The following DENND2B variants were observed in gnomAD, a reference collection of about 807,000 sequenced individuals.
The protein encoded by DENND2B is DENN domain-containing protein 2B.
DENND2B carries 32 observed loss-of-function variants against 116.0 expected under a neutral mutation model. That is an observed-to-expected ratio of 0.28 (90% CI 0.21 to 0.37). DENND2B has a LOEUF of 0.37. DENND2B is among the 10% of genes least tolerant of loss of function. The pLI, the probability that DENND2B is intolerant of heterozygous loss-of-function variation, is 1.00. For synonymous variants in DENND2B, 588 were observed against 583.9 expected, an observed-to-expected ratio of 1.01 and a Z score of -0.10; for missense variants, 1,276 against 1,477.7, an observed-to-expected ratio of 0.86 and a Z score of 2.24.
intron 2 of DENND2B, among the ~76,000 whole-genome samples, chr11:8,750,206 A>T (rs1273937205): frequency 6.6e-6 from 1 of 152,196 alleles, no homozygotes; most frequent in Non-Finnish European, 1.5e-5. Flanking sequence ...CTAAACTCCT[A>T]TAAAGCCTAG....
chr11:8,815,774 G>A (rs1268763059), intron 4 of DENND2B, among the ~76,000 whole-genome samples: 2 of 152,158 alleles, frequency 1.3e-5, no homozygotes, highest in Non-Finnish European at 2.9e-5. Flanking sequence ...ACAGACCTGA[G>A]CTCCTCGAGG....
intron 2 of DENND2B, among the ~76,000 whole-genome samples, chr11:8,867,910 G>A (rs1368938288): frequency 6.6e-6 from 1 of 152,012 alleles, no homozygotes; most frequent in Non-Finnish European, 1.5e-5. Context: ...AGAAATAAGA[G>A]AATATGAGAG....
chr11:8,829,026 C>CGT (rs991469537), intron 4 of DENND2B, among the ~76,000 whole-genome samples: 1 of 133,008 alleles, frequency 7.5e-6, no homozygotes, highest in Admixed American at 7.5e-5. Context: ...GTGTGTTGTG[C>CGT]GTGTGTGTGT....
chr11:8,877,922 TTAA>T (rs1367812884), intron 2 of DENND2B, among the ~76,000 whole-genome samples: 4 of 152,148 alleles, frequency 2.6e-5, no homozygotes, highest in African/African-American at 9.7e-5. Flanking sequence ...GATAAAGGCA[TTAA>T]TAAACAACTA....
chr11:8,863,864 TC>T (rs2063490240), intron 2 of DENND2B, among the ~76,000 whole-genome samples: 2 of 152,050 alleles, frequency 1.3e-5, no homozygotes, highest in Admixed American at 1.3e-4. Flanking sequence ...GAATTTCCAT[TC>T]CCCTGGGACT....
At chr11:8,785,805 C>T (rs2058848352) in intron 1 of DENND2B, 1 of 152,196 alleles carries the variant, frequency 6.6e-6, no homozygotes, top group South Asian at 2.1e-4. Flanking sequence ...AAAGAATTAA[C>T]TGTTAGGTCA....
chr11:8,863,831 A>G (rs1474237762), intron 2 of DENND2B, among the ~76,000 whole-genome samples: 1 of 152,058 alleles, frequency 6.6e-6, no homozygotes, highest in African/African-American at 2.4e-5. Flanking sequence ...TTCCCCTCCC[A>G]TACAATTATA....
chr11:8,850,875 T>C (rs2062981411), intron 3 of DENND2B, among the ~76,000 whole-genome samples: 1 of 152,180 alleles, frequency 6.6e-6, no homozygotes, highest in Admixed American at 6.5e-5. Flanking sequence ...TGTCACTTCC[T>C]ACAACATGGA....
upstream of DENND2B, among the ~76,000 whole-genome samples, chr11:8,815,564 T>C (rs565182524): frequency 3.3e-5 from 5 of 152,316 alleles, no homozygotes; most frequent in Non-Finnish European, 7.3e-5. Flanking sequence ...GTTACCTTTA[T>C]CTGAATGCCT....
chr11:8,698,185 G>T (rs933183372), intron 16 of DENND2B, among the ~76,000 whole-genome samples: 1 of 146,920 alleles, frequency 6.8e-6, no homozygotes, highest in Non-Finnish European at 1.5e-5. Context: ...AGCCAGTGTG[G>T]CATTCACTGG....
At chr11:8,822,632 G>T (rs557651301) in intron 4 of DENND2B, among the ~76,000 whole-genome samples, 8 of 152,286 alleles carry the variant, frequency 5.3e-5, no homozygotes, top group South Asian at 4.1e-4. Context: ...AGAATCTAAC[G>T]TGGACTGTAC....
intron 1 of DENND2B, among the ~76,000 whole-genome samples, chr11:8,806,416 CT>C (rs2060840617): frequency 6.6e-6 from 1 of 152,060 alleles, no homozygotes; most frequent in African/African-American, 2.4e-5. Context: ...ATAATTCACT[CT>C]TTTATAAGGA....
chr11:8,849,728 CAGG>C (rs1377911619), intron 3 of DENND2B, among the ~76,000 whole-genome samples: 2 of 145,770 alleles, frequency 1.4e-5, no homozygotes, highest in African/African-American at 5.1e-5. Flanking sequence ...GCGGCTGAGG[CAGG>C]AGAATTGCTT....
At chr11:8,766,049 T>G (rs2055702194) in intron 1 of DENND2B, among the ~76,000 whole-genome samples, 1 of 151,980 alleles carries the variant, frequency 6.6e-6, no homozygotes, top group African/African-American at 2.4e-5. Context: ...AAAAACCTAC[T>G]TATAAAAGAA....
At chr11:8,822,697 C>T (rs1340858787) in intron 4 of DENND2B, among the ~76,000 whole-genome samples, 2 of 152,200 alleles carry the variant, frequency 1.3e-5, no homozygotes, top group Non-Finnish European at 1.5e-5. Flanking sequence ...GGGCTAGTTT[C>T]GGCATTCCAT....
At chr11:8,697,332 T>C (rs1235331248) in intron 17 of DENND2B, among the ~76,000 whole-genome samples, 193 bp downstream of exon 17, 1 of 152,262 alleles carries the variant, frequency 6.6e-6, no homozygotes, top group African/African-American at 2.4e-5. Flanking sequence ...GAAAGTATCT[T>C]TGGGGTTGCC....
chr11:8,896,637 T>C (rs146688974), intron 1 of DENND2B, among the ~76,000 whole-genome samples: 2 of 152,350 alleles, frequency 1.3e-5, no homozygotes, highest in African/African-American at 4.8e-5. Flanking sequence ...GGAAACCATA[T>C]GTTGAATACC....
intron 1 of DENND2B, among the ~76,000 whole-genome samples, chr11:8,755,569 G>A (rs1375143922): frequency 6.6e-6 from 1 of 152,146 alleles, no homozygotes; most frequent in Non-Finnish European, 1.5e-5. Context: ...ATCCCTCCAA[G>A]GTGAATACGG....
chr11:8,807,798 T>A (rs2061006888), intron 1 of DENND2B: 1 of 152,200 alleles, frequency 6.6e-6, no homozygotes, highest in African/African-American at 2.4e-5. Context: ...TGTTGTGACA[T>A]GACTCAACTA....
Sources: gnomAD v4.1 joint callset for allele counts (sites outside exome capture counted in the v4.1 genomes callset) on GRCh38, gnomAD v4.1.1 for gene constraint, MANE v1.5 for transcripts, NCBI Gene and HGNC (gene_info 2026-07-23, HGNC 2026-07-21) for gene names.